DRD3: variants seen among roughly 807,000 people sequenced by gnomAD.
The protein encoded by DRD3 is dopamine receptor D3.
A neutral mutation model predicts 36.3 loss-of-function variants in DRD3; 19 were observed. The observed-to-expected ratio is 0.52, with a 90% CI of 0.36 to 0.77. The LOEUF is 0.77. DRD3 is among the 30% of genes least tolerant of loss of function. The pLI is 0.00. For synonymous variants in DRD3, 195 were observed against 203.7 expected, an observed-to-expected ratio of 0.96 and a Z score of 0.36; for missense variants, 465 against 505.3, an observed-to-expected ratio of 0.92 and a Z score of 0.77.
intron 1 of DRD3, among the ~76,000 whole-genome samples, chr3:114,187,144 C>T (rs892742224): frequency 3.8e-4 from 58 of 152,284 alleles, no homozygotes; most frequent in Non-Finnish European, 5.7e-4. Flanking sequence ...TGACAACATT[C>T]CATCAAAGAA....
chr3:114,179,721 C>T (rs1425429326), upstream of DRD3, among the ~76,000 whole-genome samples: 3 of 152,004 alleles, frequency 2.0e-5, no homozygotes, highest in Non-Finnish European at 4.4e-5. Flanking sequence ...GGTAATTCTT[C>T]GGCTGTTTTC....
Position 114,169,368 on chromosome 3 carries a change from G to A in DRD3, c.270+2355C>T, listed in dbSNP as rs145592325. ...CGCTTCAAGACATTGACTGGGTCTT[G>A]AAGCAAATTGGTAAGACCAAAAAGA... On this transcript the variant is annotated intron_variant, in intron 2 of 6. Transcript: ENST00000383673. 1.3e-4 allele frequency among the ~76,000 whole-genome samples: 19 copies of A among 149,520 alleles called. No homozygotes were observed. The East Asian group carries it at 3.7e-3, about 29-fold the overall frequency.
At chr3:114,128,988 G>C in intron 6 of DRD3, 76 bp from the exon 7 acceptor site, 4 of 1,418,174 alleles carry the variant, frequency 2.8e-6, no homozygotes, top group Non-Finnish European at 3.8e-6. Context: ...AATGACTCAC[G>C]GTTGTCTACT....
chr3:114,142,047 C>CAAAAAAAAAAA (rs771946847), intron 4 of DRD3, among the ~76,000 whole-genome samples: 2 of 64,722 alleles, frequency 3.1e-5, no homozygotes, highest in South Asian at 5.8e-4. Context: ...GACTCTCTCT[C>CAAAAAAAAAAA]AAAAAAAAAA....
chr3:114,137,298 G>C (rs2077483113), intron 5 of DRD3, among the ~76,000 whole-genome samples: 1 of 152,256 alleles, frequency 6.6e-6, no homozygotes, highest in South Asian at 2.1e-4. Flanking sequence ...TGAATGGGGT[G>C]CAGGTGCAGA....
upstream of DRD3, among the ~76,000 whole-genome samples, chr3:114,180,774 C>A (rs1448431886): frequency 1.3e-5 from 2 of 152,120 alleles, no homozygotes; most frequent in Non-Finnish European, 2.9e-5. Context: ...AAGACTAGAA[C>A]TCCTGGGTTG....
rs758039676 is a variant in DRD3, at chr3:114,171,732, T to C, written c.261A>G (p.Val87=). The C allele has an allele frequency of 5.6e-6, 9 of 1,603,160 alleles. 1 individual carries two copies. In the South Asian group the frequency reaches 5.6e-5, roughly 10 times the overall value. Residue 87 remains valine (V), a synonymous_variant, in exon 2 of 7, where the codon GTA becomes GTG. Transcript: ENST00000383673. ...CCTGAAGTCTACTCACCTCCAGGTA[T>C]ACCACCCAGGGCATCACCAAGGTGG... ...LVATLVMPWV[V]YLEVTGGVWN... is the part of the protein sequence containing the mutation.
At chr3:114,173,435 T>C (rs1037602757) in intron 1 of DRD3, among the ~76,000 whole-genome samples, 1 of 152,212 alleles carries the variant, frequency 6.6e-6, no homozygotes, top group African/African-American at 2.4e-5. Flanking sequence ...CAGGGAATTC[T>C]CTACCCAACT....
At chr3:114,128,965 G>A in intron 6 of DRD3, 53 bp from the exon 7 acceptor site, 1 of 1,475,384 alleles carries the variant, frequency 6.8e-7, no homozygotes, top group Non-Finnish European at 9.1e-7. Flanking sequence ...TACTCCTTTT[G>A]TTATAACATG....
chr3:114,133,887 G>A (rs2077453208), intron 5 of DRD3, among the ~76,000 whole-genome samples: 1 of 152,194 alleles, frequency 6.6e-6, no homozygotes, highest in Non-Finnish European at 1.5e-5. Context: ...CATGCACCAA[G>A]CCCAGTCAAT....
chr3:114,138,942 T>C (rs542767982), intron 5 of DRD3, among the ~76,000 whole-genome samples: 2 of 152,302 alleles, frequency 1.3e-5, no homozygotes, highest in South Asian at 2.1e-4. Flanking sequence ...AAGGAGAAAT[T>C]AAAGCCCTAG....
rs2251177 is a variant in DRD3, at chr3:114,139,503, C to T, written c.720G>A (p.Gln240=). 1,599,599 of 1,613,062 alleles carry T rather than the reference C, an allele frequency of 0.99. 793,791 individuals are homozygous for T. Among genetic ancestry groups the T allele is most frequent in the East Asian group, 1 (44,866 of 44,874 alleles). Residue 240 remains glutamine (Q), a synonymous_variant, in exon 5 of 7, where the codon CAG becomes CAA. Transcript: ENST00000383673. ...CTACCCCCTCCAGGGTACTTACTTG[C>T]TGGGGGAAGCCAGGCCTGACACTGT... ...QCNSVRPGFP[Q]QTLSPDPAHL...
At chr3:114,150,992 A>C (rs1488500873) in intron 3 of DRD3, among the ~76,000 whole-genome samples, 1 of 152,190 alleles carries the variant, frequency 6.6e-6, no homozygotes. Flanking sequence ...CTTCTTTCTC[A>C]AAAGGGAAAA....
At chr3:114,151,235 T>TG (rs2077614327) in intron 3 of DRD3, among the ~76,000 whole-genome samples, 1 of 152,158 alleles carries the variant, frequency 6.6e-6, no homozygotes, top group Non-Finnish European at 1.5e-5. Flanking sequence ...GTGGTAACTA[T>TG]GAGGCACCTT....
chr3:114,136,183 C>T (rs1397959991), intron 5 of DRD3, among the ~76,000 whole-genome samples: 1 of 151,938 alleles, frequency 6.6e-6, no homozygotes, highest in South Asian at 2.1e-4. Flanking sequence ...CACTGCACTC[C>T]AGCCTGGGGA....
At chr3:114,171,645 G>T in intron 2 of DRD3, 78 bp downstream of exon 2, 2 of 1,441,002 alleles carry the variant, frequency 1.4e-6, no homozygotes, top group South Asian at 1.6e-5. Context: ...GGAGTCTTTT[G>T]AGCCCCAAAG....
At chr3:114,168,871 A>C (rs2077812037) in intron 2 of DRD3, among the ~76,000 whole-genome samples, 1 of 152,240 alleles carries the variant, frequency 6.6e-6, no homozygotes, top group Non-Finnish European at 1.5e-5. Flanking sequence ...AAAATGAGCC[A>C]ATTTTCCTTC....
chr3:114,139,746 A>C, intron 4 of DRD3, 50 bp from the exon 5 acceptor site: 10 of 1,567,106 alleles, frequency 6.4e-6, no homozygotes, highest in Non-Finnish European at 8.7e-6. Flanking sequence ...ATCAGAACTC[A>C]GTAAGGAGCA....
intron 2 of DRD3, among the ~76,000 whole-genome samples, chr3:114,161,274 A>G (rs566392589): frequency 6.6e-6 from 1 of 152,372 alleles, no homozygotes; most frequent in South Asian, 2.1e-4. Context: ...TAGCCTCTGA[A>G]GTAGCTTCCC....
Sources: allele counts gnomAD v4.1 joint callset (sites outside exome capture counted in the v4.1 genomes callset), GRCh38; gene constraint gnomAD v4.1.1; transcripts MANE v1.5; gene names NCBI Gene and HGNC (gene_info 2026-07-23, HGNC 2026-07-21).